DACH2: variants seen among roughly 807,000 people sequenced by gnomAD.
DACH2 encodes dachshund family transcription factor 2.
In DACH2, 17 loss-of-function variants were observed where a neutral mutation model predicts 35.8. The observed-to-expected ratio is 0.48, with a 90% CI of 0.33 to 0.71. DACH2 has a LOEUF of 0.71. Among genes scored for constraint, DACH2 ranks in the 30% least tolerant of loss-of-function variants. The pLI is 0.02. For missense variants in DACH2, 469 were observed against 472.7 expected (o/e 0.99, Z 0.07); for synonymous variants, 195 against 177.3 (o/e 1.10, Z -0.79).
At chrX:86,669,104 A>T (rs1458461552) in intron 4 of DACH2, among the ~76,000 whole-genome samples, 2 of 111,652 alleles carry the variant, frequency 1.8e-5, no homozygotes, top group Non-Finnish European at 3.8e-5. Context: ...TGGTCACTGA[A>T]GACTTACTAA....
chrX:86,451,090 A>G (rs1359692312), intron 2 of DACH2, among the ~76,000 whole-genome samples: 1 of 110,437 alleles, frequency 9.1e-6, no homozygotes, highest in African/African-American at 3.3e-5. Flanking sequence ...AATTTGTCAA[A>G]TTTCCTTTCA....
intron 1 of DACH2, among the ~76,000 whole-genome samples, chrX:86,152,816 A>G (rs946988585): frequency 1.8e-5 from 2 of 111,839 alleles, no homozygotes; most frequent in Non-Finnish European, 3.8e-5. Context: ...TTTTTTGCAG[A>G]TAAAGCACTG....
chrX:86,739,771 C>T lies in DACH2; in HGVS notation c.1129C>T (p.Pro377Ser), dbSNP rs780503018. The T allele has an allele frequency of 1.0e-5, 12 of 1,179,210 alleles. No homozygotes were observed. The highest frequency in any genetic ancestry group is 1.4e-5 in the Non-Finnish European group (12 of 879,424). ...GGAGCGGATCCCAGAGAGTCCTTCT[C>T]CTGCTCCTTCTCTAGAAGAGAATCA... ...IKERIPESPS[P>S]APSLEENHRP... The change falls in exon 7 of 12, where the codon CCT becomes TCT. Residue 377 changes from proline (P) to serine (S), a missense_variant. Physicochemically the swap from Pro to Ser is moderately conservative, Grantham distance 74 (BLOSUM62 -1). This residue lies in a region of DACH2 where 363 missense variants were observed against 334.4 expected (regional missense o/e 1.09). Transcript: ENST00000373125.
chrX:86,620,220 T>C (rs1184717081), intron 3 of DACH2, among the ~76,000 whole-genome samples: 1 of 111,925 alleles, frequency 8.9e-6, no homozygotes, highest in Non-Finnish European at 1.9e-5. Flanking sequence ...TAGTCCTTTA[T>C]GGCCATAACT....
intron 1 of DACH2, among the ~76,000 whole-genome samples, chrX:86,274,794 T>G (rs927049559): frequency 2.7e-5 from 3 of 111,111 alleles, no homozygotes; most frequent in African/African-American, 9.8e-5. Flanking sequence ...CACCGCGCCC[T>G]GCCAACATTA....
intron 3 of DACH2, among the ~76,000 whole-genome samples, chrX:86,634,330 T>A (rs1222075466): frequency 9.0e-6 from 1 of 110,870 alleles, no homozygotes; most frequent in East Asian, 2.8e-4. Context: ...CATAACAAAC[T>A]TACAGCCAAC....
At chrX:86,744,314 T>A (rs1183292986) in intron 7 of DACH2, among the ~76,000 whole-genome samples, 1 of 110,740 alleles carries the variant, frequency 9.0e-6, no homozygotes, top group Non-Finnish European at 1.9e-5. Context: ...ATTAAAAAAA[T>A]GGGATTCTCT....
chrX:86,219,025 T>G (rs1221117298), intron 1 of DACH2, among the ~76,000 whole-genome samples: 1 of 112,207 alleles, frequency 8.9e-6, no homozygotes, highest in Non-Finnish European at 1.9e-5. Context: ...GATCCATTTT[T>G]ATAGCTTTTC....
intron 7 of DACH2, among the ~76,000 whole-genome samples, chrX:86,802,511 A>G (rs1391382734): frequency 1.1e-5 from 1 of 94,283 alleles, no homozygotes. Flanking sequence ...TTAAGAAGAG[A>G]AGTTTCTTTC....
intron 1 of DACH2, among the ~76,000 whole-genome samples, chrX:86,343,171 T>G (rs1234595376): frequency 9.0e-6 from 1 of 111,675 alleles, no homozygotes; most frequent in African/African-American, 3.3e-5. Flanking sequence ...AAGGTATGCC[T>G]GTACTACTGT....
intron 3 of DACH2, among the ~76,000 whole-genome samples, chrX:86,543,423 T>G (rs1400159491): frequency 8.9e-6 from 1 of 111,827 alleles, no homozygotes; most frequent in African/African-American, 3.2e-5. Flanking sequence ...AGACAGAATG[T>G]CTTCTCACCT....
intron 1 of DACH2, among the ~76,000 whole-genome samples, chrX:86,245,557 G>A (rs188702805): frequency 8.9e-6 from 1 of 111,951 alleles, no homozygotes; most frequent in East Asian, 2.8e-4. Context: ...TGTAGCCCAG[G>A]AATGCTGAGC....
chrX:86,449,445 C>T (rs183949161), intron 2 of DACH2, among the ~76,000 whole-genome samples: 34 of 111,072 alleles, frequency 3.1e-4, no homozygotes, highest in African/African-American at 1.1e-3. Flanking sequence ...TTTATTTAGC[C>T]ACTCTATATC....
At chrX:86,258,927 G>T (rs1191445899) in intron 1 of DACH2, among the ~76,000 whole-genome samples, 5 of 111,693 alleles carry the variant, frequency 4.5e-5, no homozygotes, top group Non-Finnish European at 9.4e-5. Context: ...CTAATGTGCT[G>T]AGTTGAGGAG....
In DACH2 at chrX:86,722,872, A is replaced by C. The variant is rs752632860; in HGVS notation, c.1104+8152A>C. On this transcript the variant is annotated intron_variant, in intron 6 of 11. Coordinates refer to ENST00000373125, the MANE Select transcript of DACH2 (RefSeq NM_053281.3). ...TGGCCTCATAGCATTATTTAGGGAT[A>C]ATTTCCTCCTCCTCAACTTTTTGTA... Among the ~76,000 whole-genome samples the C allele has an allele frequency of 2.7e-5, 3 of 111,256 alleles. No homozygotes were observed. The South Asian group carries it at 1.1e-3, about 42-fold the overall frequency.
At chrX:86,462,709 C>T (rs1433923231) in intron 2 of DACH2, among the ~76,000 whole-genome samples, 2 of 111,463 alleles carry the variant, frequency 1.8e-5, no homozygotes, top group South Asian at 3.7e-4. Context: ...AATGGTACAA[C>T]AAAACCATGA....
chrX:86,554,015 G>GTC (rs954649630), intron 3 of DACH2, among the ~76,000 whole-genome samples: 1 of 110,560 alleles, frequency 9.0e-6, no homozygotes, highest in African/African-American at 3.3e-5. Context: ...GTGTGTGTGT[G>GTC]CGTGTTTGTG....
rs375940924 is a variant in DACH2 at position 86,409,976 on chromosome X, C to A, written c.527+33114C>A. ...CTTAATACCTGCTCTTTATTTAACC[C>A]CTGTCTTAAAATAAACAATGCTGAT... On this transcript the variant is annotated intron_variant, in intron 2 of 11. Coordinates refer to ENST00000373125, the MANE Select transcript of DACH2 (RefSeq NM_053281.3). 1.6e-4 allele frequency among the ~76,000 whole-genome samples: 18 copies of A among 111,658 alleles called. No homozygotes were observed. In the East Asian group the frequency reaches 4.5e-3, roughly 28 times the overall value.
At chrX:86,556,795 T>TATATATATAGAGAGAGAG (rs1232719385) in intron 3 of DACH2, among the ~76,000 whole-genome samples, 2 of 25,309 alleles carry the variant, frequency 7.9e-5, no homozygotes, top group Non-Finnish European at 1.3e-4. Flanking sequence ...TATATATATA[T>TATATATATAGAGAGAGAG]AGAGAGAGAG....
Sources: allele counts gnomAD v4.1 joint callset (sites outside exome capture counted in the v4.1 genomes callset), GRCh38; gene constraint gnomAD v4.1.1; regional missense constraint gnomAD v4.1.1; transcripts MANE v1.5; gene names NCBI Gene and HGNC (gene_info 2026-07-23, HGNC 2026-07-21).